Variants in CPA6 observed in about 807,000 individuals in gnomAD.
CPA6 encodes carboxypeptidase B.
CPA6 carries 58 observed loss-of-function variants against 63.3 expected under a neutral mutation model. The observed-to-expected ratio is 0.92, with a 90% CI of 0.74 to 1.14. The LOEUF (loss-of-function observed/expected upper bound fraction) is 1.14, where lower values mean the gene tolerates loss of function less well. Ranked by LOEUF, CPA6 falls within the 50% of genes most tolerant of loss-of-function variation. The pLI is 0.00. For synonymous variants in CPA6, 185 were observed against 179.0 expected (o/e 1.03, Z -0.27); for missense variants, 565 against 526.6 (o/e 1.07, Z -0.71).
At chr8:67,724,788 A>G (rs541812358) in intron 1 of CPA6, among the ~76,000 whole-genome samples, 5 of 152,296 alleles carry the variant, frequency 3.3e-5, no homozygotes, top group African/African-American at 1.2e-4. Flanking sequence ...TCCTTTCCCA[A>G]GCTGGAGACT....
intron 2 of CPA6, among the ~76,000 whole-genome samples, chr8:67,550,112 C>T (rs1011585142): frequency 7.2e-5 from 11 of 152,150 alleles, no homozygotes; most frequent in African/African-American, 1.2e-4. Context: ...GGTGTGATGT[C>T]GAGGTTTAGG....
At chr8:67,655,118 A>G (rs1815953911) in intron 1 of CPA6, among the ~76,000 whole-genome samples, 1 of 152,202 alleles carries the variant, frequency 6.6e-6, no homozygotes, top group Non-Finnish European at 1.5e-5. Context: ...TGTTTCAACC[A>G]GGCAGTCCTT....
At chr8:67,563,255 A>G (rs954873520) in intron 2 of CPA6, among the ~76,000 whole-genome samples, 2 of 152,212 alleles carry the variant, frequency 1.3e-5, no homozygotes, top group Non-Finnish European at 2.9e-5. Flanking sequence ...TAAATTAAAC[A>G]TGCTAATCAA....
At chr8:67,617,376 T>C (rs1248615646) in intron 2 of CPA6, among the ~76,000 whole-genome samples, 1 of 152,214 alleles carries the variant, frequency 6.6e-6, no homozygotes, top group Non-Finnish European at 1.5e-5. Flanking sequence ...ATGACTGCAG[T>C]TGGACATCTG....
chr8:67,675,514 C>T (rs1024331608), intron 1 of CPA6, among the ~76,000 whole-genome samples: 2 of 152,136 alleles, frequency 1.3e-5, no homozygotes, highest in African/African-American at 2.4e-5. Context: ...CTCCCCTTGC[C>T]CATCAAAACT....
chr8:67,674,606 A>G (rs1330115208), intron 1 of CPA6, among the ~76,000 whole-genome samples: 1 of 152,224 alleles, frequency 6.6e-6, no homozygotes, highest in Non-Finnish European at 1.5e-5. Flanking sequence ...TGTGGAAAGC[A>G]GCTTGGAGAT....
At chr8:67,663,973 G>A (rs1452533697) in intron 1 of CPA6, among the ~76,000 whole-genome samples, 1 of 152,110 alleles carries the variant, frequency 6.6e-6, no homozygotes, top group African/African-American at 2.4e-5. Context: ...AGCAGGAGGG[G>A]GCCTTTATTG....
chr8:67,496,404 AT>A (rs1811710642), intron 6 of CPA6, among the ~76,000 whole-genome samples: 1 of 151,390 alleles, frequency 6.6e-6, no homozygotes, highest in South Asian at 2.1e-4. Context: ...AATTTAAAAA[AT>A]AACAGCTTTT....
intron 10 of CPA6, among the ~76,000 whole-genome samples, chr8:67,424,067 C>A (rs528711583): frequency 2.4e-4 from 37 of 152,254 alleles, no homozygotes; most frequent in African/African-American, 8.7e-4. Flanking sequence ...ACAGCACATG[C>A]GAGGGATCTA....
At chr8:67,506,935 A>G in intron 5 of CPA6, 47 bp from the exon 6 acceptor site, 1 of 1,259,378 alleles carries the variant, frequency 7.9e-7, no homozygotes, top group Non-Finnish European at 1.2e-6. Flanking sequence ...TTTTAGATTC[A>G]CTGACCAGCA....
At chr8:67,610,897 A>G (rs1814788779) in intron 2 of CPA6, among the ~76,000 whole-genome samples, 1 of 152,226 alleles carries the variant, frequency 6.6e-6, no homozygotes, top group African/African-American at 2.4e-5. Flanking sequence ...TCAATCTATA[A>G]ATTGGGATAA....
intron 1 of CPA6, among the ~76,000 whole-genome samples, chr8:67,649,272 G>GT (rs1172010809): frequency 4.6e-5 from 7 of 152,122 alleles, no homozygotes; most frequent in Non-Finnish European, 7.4e-5. Flanking sequence ...GGAATTATCT[G>GT]TTTTTTGTAA....
intron 2 of CPA6, among the ~76,000 whole-genome samples, chr8:67,586,101 AG>A (rs1813925840): frequency 6.6e-6 from 1 of 152,144 alleles, no homozygotes; most frequent in African/African-American, 2.4e-5. Context: ...TGGCTTATGG[AG>A]GAGTAGGCAA....
rs1308855916 is a variant in CPA6, at chr8:67,422,211, A to C, written c.*293T>G. 3.8e-6 allele frequency: 1 copy of C among 265,096 alleles called. No individual in the cohort carries two copies. Among genetic ancestry groups the C allele is most frequent in the African/African-American group, 2.2e-5 (1 of 45,806 alleles). The allele number at this position is 265,096 out of a possible 1,614,324, so 16.4% of individuals were successfully genotyped here. A position where few individuals can be genotyped will look rare whatever the true frequency, so the allele number is the denominator to read the frequency against. ...GAGATTTATTGAAGGGAAATCCTCA[A>C]TTAATATGAACATTTCTTGAGAAAT... On this transcript the variant is annotated 3_prime_UTR_variant, in exon 11 of 11. Transcript: ENST00000297770.
chr8:67,580,295 G>A (rs1271759176), intron 2 of CPA6, among the ~76,000 whole-genome samples: 1 of 152,232 alleles, frequency 6.6e-6, no homozygotes, highest in Non-Finnish European at 1.5e-5. Flanking sequence ...GAAGTGGTAC[G>A]AGAGGGTGGT....
intron 8 of CPA6, among the ~76,000 whole-genome samples, chr8:67,476,524 C>G (rs1393390705): frequency 1.3e-5 from 2 of 150,662 alleles, no homozygotes; most frequent in African/African-American, 4.9e-5. Flanking sequence ...TTCCTTCTTA[C>G]CATACATTCC....
chr8:67,614,945 G>C (rs1814907083), intron 2 of CPA6, among the ~76,000 whole-genome samples: 1 of 152,212 alleles, frequency 6.6e-6, no homozygotes, highest in South Asian at 2.1e-4. Context: ...TAAGCACCAT[G>C]CTAACTGCTT....
chr8:67,562,221 C>G lies in CPA6; in HGVS notation c.193-44174G>C, dbSNP rs56184529. Among the ~76,000 whole-genome samples the G allele has an allele frequency of 6.5e-3, 993 of 152,300 alleles. 11 individuals are homozygous for G. Among genetic ancestry groups the G allele is most frequent in the Middle Eastern group, 0.017 (5 of 294 alleles). On this transcript the variant is annotated intron_variant, in intron 2 of 10. Coordinates refer to ENST00000297770, the MANE Select transcript of CPA6 (RefSeq NM_020361.5). ...TTCCCCATCTAGGCCTTTCCAACCT[C>G]AAATACATAAACATGTACTTTTTGG...
At chr8:67,661,282 G>A (rs2128992929) in intron 1 of CPA6, among the ~76,000 whole-genome samples, 1 of 152,286 alleles carries the variant, frequency 6.6e-6, no homozygotes, top group South Asian at 2.1e-4. Context: ...CCAAGACGTG[G>A]GAACGCAGCT....
Sources: gnomAD v4.1 joint callset for allele counts (sites outside exome capture counted in the v4.1 genomes callset) on GRCh38, gnomAD v4.1.1 for gene constraint, MANE v1.5 for transcripts, NCBI Gene and HGNC (gene_info 2026-07-23, HGNC 2026-07-21) for gene names.